Variants in APBA1 observed in about 807,000 individuals in gnomAD.
The protein encoded by APBA1 is amyloid beta precursor protein binding family A member 1, also known as amyloid-beta A4 precursor protein-binding family A member 1.
In APBA1, 55 loss-of-function variants were observed where a neutral mutation model predicts 86.6. That is an observed-to-expected ratio of 0.64 (90% CI 0.51 to 0.80). The LOEUF is 0.80. Ranked by LOEUF, APBA1 falls within the 30% of genes least tolerant of loss-of-function variation. The probability of loss-of-function intolerance (pLI) is 0.00; values close to 1 mark genes in which losing one functional copy is unlikely to be tolerated. For missense variants in APBA1, 1,090 were observed against 1,183.0 expected (o/e 0.92, Z 1.15); for synonymous variants, 511 against 493.9 (o/e 1.03, Z -0.46).
intron 2 of APBA1, among the ~76,000 whole-genome samples, chr9:69,496,355 C>G (rs1000849316): frequency 1.3e-5 from 2 of 152,118 alleles, no homozygotes; most frequent in Non-Finnish European, 1.5e-5. Context: ...GTGAGCCTAC[C>G]TGATTGGCTA....
At chr9:69,577,737 A>G (rs1407045208) in intron 1 of APBA1, among the ~76,000 whole-genome samples, 1 of 152,252 alleles carries the variant, frequency 6.6e-6, no homozygotes, top group Non-Finnish European at 1.5e-5. Context: ...GTATATAAAG[A>G]ATGCTCATCC....
intron 11 of APBA1, among the ~76,000 whole-genome samples, chr9:69,437,106 C>T (rs887709974): frequency 5.9e-5 from 9 of 151,886 alleles, no homozygotes; most frequent in African/African-American, 2.2e-4. Context: ...TTGAACCAGC[C>T]TTGCATCCCA....
At chr9:69,613,465 C>T (rs1822633828) in intron 1 of APBA1, among the ~76,000 whole-genome samples, 1 of 152,130 alleles carries the variant, frequency 6.6e-6, no homozygotes, top group Admixed American at 6.5e-5. Context: ...GTTCTTGTCT[C>T]GGAAGTTCCA....
chr9:69,466,546 T>C (rs870694), intron 5 of APBA1, among the ~76,000 whole-genome samples: 27,945 of 152,060 alleles, frequency 0.18, 2,640 homozygotes, highest in Admixed American at 0.22. Flanking sequence ...CCTCTGACAC[T>C]GTCCTCTCCT....
At chr9:69,435,606 T>G (rs1834695328) in intron 11 of APBA1, among the ~76,000 whole-genome samples, 1 of 152,212 alleles carries the variant, frequency 6.6e-6, no homozygotes, top group Non-Finnish European at 1.5e-5. Flanking sequence ...TTGAGAAGTG[T>G]TTGTTCATAT....
chr9:69,482,947 T>C (rs1475610244), intron 2 of APBA1, among the ~76,000 whole-genome samples: 5 of 118,402 alleles, frequency 4.2e-5, no homozygotes, highest in African/African-American at 1.3e-4. Context: ...GGAAGGGGAA[T>C]ATCACACTCT....
intron 1 of APBA1, among the ~76,000 whole-genome samples, chr9:69,560,028 CA>C (rs965448080): frequency 1.3e-5 from 2 of 152,172 alleles, no homozygotes; most frequent in Non-Finnish European, 2.9e-5. Flanking sequence ...GCGAAAGGGG[CA>C]GCCCTTGAGG....
At chr9:69,498,363 C>T (rs558377793) in intron 2 of APBA1, among the ~76,000 whole-genome samples, 1 of 152,062 alleles carries the variant, frequency 6.6e-6, no homozygotes, top group East Asian at 1.9e-4. Flanking sequence ...GAGATGACTG[C>T]AGGCCACCTG....
At chr9:69,595,965 T>C (rs937015305) in intron 1 of APBA1, among the ~76,000 whole-genome samples, 24 of 152,170 alleles carry the variant, frequency 1.6e-4, no homozygotes, top group Admixed American at 9.2e-4. Context: ...TCTTTATTGA[T>C]TGATTGTTTT....
At chr9:69,624,109 G>A (rs538560599) in intron 1 of APBA1, among the ~76,000 whole-genome samples, 1 of 152,270 alleles carries the variant, frequency 6.6e-6, no homozygotes, top group East Asian at 1.9e-4. Context: ...AGTTCCCAGA[G>A]GTTCAGATTA....
At chr9:69,664,809 A>G (rs2134029592) in intron 1 of APBA1, among the ~76,000 whole-genome samples, 1 of 152,336 alleles carries the variant, frequency 6.6e-6, no homozygotes, top group East Asian at 1.9e-4. Flanking sequence ...TCTGCACCTC[A>G]GATAACTGAG....
At chr9:69,495,935 C>G (rs780715078) in intron 2 of APBA1, among the ~76,000 whole-genome samples, 3 of 152,052 alleles carry the variant, frequency 2.0e-5, no homozygotes, top group Non-Finnish European at 4.4e-5. Context: ...CCTGAGACAG[C>G]CTCATGCTGC....
intron 8 of APBA1, among the ~76,000 whole-genome samples, chr9:69,453,424 T>C (rs1435017355): frequency 6.6e-6 from 1 of 152,246 alleles, no homozygotes; most frequent in African/African-American, 2.4e-5. Context: ...CACTGGGTTT[T>C]GATAGCTTTT....
At chr9:69,504,466 G>A (rs1266146240) in intron 2 of APBA1, among the ~76,000 whole-genome samples, 1 of 151,938 alleles carries the variant, frequency 6.6e-6, no homozygotes, top group Non-Finnish European at 1.5e-5. Flanking sequence ...ATGATCCTTG[G>A]CTGTTCACTC....
At chr9:69,535,290 A>G (rs923183202) in intron 1 of APBA1, among the ~76,000 whole-genome samples, 1 of 152,202 alleles carries the variant, frequency 6.6e-6, no homozygotes, top group African/African-American at 2.4e-5. Flanking sequence ...ATTTCCTCTA[A>G]GACTCTAGCT....
At position 69,458,883 on chromosome 9, in the gene APBA1, C is replaced by T. The variant is rs186547280; in HGVS notation, c.1483-695G>A. ...GTGCAATGGCATGATCTTGGCTCAC[C>T]GCAACCTCTGCCTCCCAGGATCAAG... On this transcript the variant is annotated intron_variant, in intron 5 of 12. Coordinates refer to ENST00000265381, the MANE Select transcript of APBA1 (RefSeq NM_001163.4). 2.1e-3 allele frequency among the ~76,000 whole-genome samples: 312 copies of T among 151,816 alleles called. 3 individuals carry two copies. Among genetic ancestry groups the T allele is most frequent in the African/African-American group, 7.0e-3 (291 of 41,396 alleles).
intron 1 of APBA1, among the ~76,000 whole-genome samples, chr9:69,595,879 C>G (rs192660138): frequency 6.6e-6 from 1 of 152,134 alleles, no homozygotes; most frequent in Non-Finnish European, 1.5e-5. Context: ...CAGCAATTCA[C>G]GATCAGTGAT....
At chr9:69,634,882 C>T (rs1403424232) in intron 1 of APBA1, among the ~76,000 whole-genome samples, 1 of 152,036 alleles carries the variant, frequency 6.6e-6, no homozygotes, top group Non-Finnish European at 1.5e-5. Context: ...TGAAAATATC[C>T]TTCAAACATG....
intron 3 of APBA1, among the ~76,000 whole-genome samples, chr9:69,475,718 T>C (rs1835434326): frequency 6.6e-6 from 1 of 152,248 alleles, no homozygotes; most frequent in Non-Finnish European, 1.5e-5. Context: ...GTTTTTGGTG[T>C]CTGAGGTCAA....
Sources: gnomAD v4.1 joint callset for allele counts (sites outside exome capture counted in the v4.1 genomes callset) on GRCh38, gnomAD v4.1.1 for gene constraint, MANE v1.5 for transcripts, NCBI Gene and HGNC (gene_info 2026-07-23, HGNC 2026-07-21) for gene names.